The following NTAQ1 variants were observed in gnomAD, a reference collection of about 807,000 sequenced individuals.
NTAQ1 encodes N-terminal glutamine amidase 1.
In NTAQ1, 21 loss-of-function variants were observed where a neutral mutation model predicts 28.2. The observed-to-expected ratio is 0.74, with a 90% CI of 0.53 to 1.07. NTAQ1 has a LOEUF of 1.07. Ranked by LOEUF, NTAQ1 falls within the 50% of genes least tolerant of loss-of-function variation. The probability of loss-of-function intolerance (pLI) is 0.00; values close to 1 mark genes in which losing one functional copy is unlikely to be tolerated. For missense variants in NTAQ1, 264 were observed against 256.6 expected, an observed-to-expected ratio of 1.03 and a Z score of -0.20; for synonymous variants, 105 against 90.0, an observed-to-expected ratio of 1.17 and a Z score of -0.94.
At chr8:123,466,575 A>G (rs968553531) in intron 6 of NTAQ1, among the ~76,000 whole-genome samples, 8 of 152,234 alleles carry the variant, frequency 5.3e-5, no homozygotes, top group Non-Finnish European at 1.0e-4. Flanking sequence ...ATTACTTGAA[A>G]GTGACACAGC....
chr8:123,431,784 G>A lies in NTAQ1; in HGVS notation c.234+1751G>A, dbSNP rs190943686. 2.1e-3 allele frequency among the ~76,000 whole-genome samples: 317 copies of A among 152,308 alleles called. 3 individuals carry two copies. The highest frequency in any genetic ancestry group is 6.9e-3 in the African/African-American group (287 of 41,570). On this transcript the variant is annotated intron_variant, in intron 3 of 5. Coordinates refer to ENST00000287387, the MANE Select transcript of NTAQ1 (RefSeq NM_018024.3). ...AGTGGGGTCGTGAGGCTTAAATGAG[G>A]TAATGCACAGGAAGCATCTTCCTGG...
At chr8:123,467,948 A>C (rs112418839) in exon 7 of NTAQ1, among the ~76,000 whole-genome samples, 105 of 152,220 alleles carry the variant, frequency 6.9e-4, no homozygotes, top group African/African-American at 2.5e-3. Context: ...AGGGTTTGCC[A>C]TGTTGGTCAG....
downstream of NTAQ1, among the ~76,000 whole-genome samples, chr8:123,471,799 G>C (rs994415604): frequency 6.6e-6 from 1 of 152,194 alleles, no homozygotes; most frequent in African/African-American, 2.4e-5. Flanking sequence ...GGTTTACTCT[G>C]TCTACCAATA....
chr8:123,447,623 G>A (rs1431306488), intron 6 of NTAQ1, among the ~76,000 whole-genome samples: 6 of 152,036 alleles, frequency 3.9e-5, no homozygotes, highest in Non-Finnish European at 8.8e-5. Context: ...TCAAATTAAG[G>A]AAAAAAAGCA....
intron 6 of NTAQ1, among the ~76,000 whole-genome samples, chr8:123,459,686 G>C (rs1435820820): frequency 6.6e-6 from 1 of 152,080 alleles, no homozygotes; most frequent in Non-Finnish European, 1.5e-5. Context: ...ACCTGGGGCA[G>C]AGACCCAATA....
intron 1 of NTAQ1, among the ~76,000 whole-genome samples, chr8:123,423,310 CTCT>C (rs1161588593): frequency 1.3e-3 from 32 of 24,094 alleles, no homozygotes; most frequent in African/African-American, 2.6e-3. Context: ...GTTTTCTCTT[CTCT>C]TCTTTTTTCT....
At position 123,436,529 on chromosome 8, in the gene NTAQ1, T is replaced by G. The variant is rs1255305272; in HGVS notation, c.311T>G (p.Phe104Cys). 1.2e-6 allele frequency: 2 copies of G among 1,613,964 alleles called. No individual in the cohort carries two copies. The highest frequency in any genetic ancestry group is 2.7e-5 in the African/African-American group (2 of 74,932). ...FIYDLDTVLP[F>C]PCLFDTYVED... is the part of the protein sequence containing the mutation. Reference sequence around the variant, plus strand: ...TATGATCTCGATACTGTCTTGCCATTTCCCTGCCTCTTTGACACTTATGTA... The same window carrying G: ...TATGATCTCGATACTGTCTTGCCATGTCCCTGCCTCTTTGACACTTATGTA... The change falls in exon 4 of 6, where the codon TTT (phenylalanine) becomes TGT (cysteine). Residue 104 changes from phenylalanine to cysteine, a missense_variant. Physicochemically the swap from Phe to Cys is radical, Grantham distance 205. Transcript: ENST00000287387.
chr8:123,473,669 T>A (rs1302820897), downstream of NTAQ1, among the ~76,000 whole-genome samples: 1 of 152,204 alleles, frequency 6.6e-6, no homozygotes, highest in Admixed American at 6.5e-5. Flanking sequence ...ATGTAGCACA[T>A]ATATTCAACA....
chr8:123,418,761 G>A lies in NTAQ1; in HGVS notation c.83+1829G>A, dbSNP rs910742253. 6.6e-5 allele frequency among the ~76,000 whole-genome samples: 10 copies of A among 152,298 alleles called. No individual in the cohort carries two copies. The East Asian group carries it at 1.9e-3, about 29-fold the overall frequency. ...GGAGTATTGGAGTTAGAGCAGTCTT[G>A]TAGAAGAATGGTAAGAGATGACCAC... On this transcript the variant is annotated intron_variant, in intron 1 of 5. Coordinates refer to ENST00000287387, the MANE Select transcript of NTAQ1 (RefSeq NM_018024.3).
At chr8:123,437,704 A>G (rs777082568) in intron 5 of NTAQ1, among the ~76,000 whole-genome samples, 1,104 of 67,564 alleles carry the variant, frequency 0.016, 10 homozygotes, top group Non-Finnish European at 0.027. Flanking sequence ...CTCCATCTCA[A>G]AAAAAAAAAA....
chr8:123,431,018 TG>T (rs1814359402), intron 3 of NTAQ1, among the ~76,000 whole-genome samples: 1 of 152,096 alleles, frequency 6.6e-6, no homozygotes, highest in Admixed American at 6.6e-5. Context: ...CACATCTACA[TG>T]TCACCTTAAC....
rs79275144 is a variant in NTAQ1 at position 123,427,225 on chromosome 8, G to A, written c.84-699G>A. Among the ~76,000 whole-genome samples the A allele has an allele frequency of 2.1e-3, 312 of 147,928 alleles. 3 individuals carry two copies. The highest frequency in any genetic ancestry group is 7.4e-3 in the African/African-American group (301 of 40,542). On this transcript the variant is annotated intron_variant, in intron 1 of 5. Transcript: ENST00000287387. The stretch of plus-strand genomic sequence containing the variant: ...TTACACATGAGAAAAGCAGATTCTT[G>A]GAGAAGTCAAGATGGTCAAAGCTTT...
intron 6 of NTAQ1, among the ~76,000 whole-genome samples, chr8:123,461,135 C>A (rs973891994): frequency 6.6e-6 from 1 of 152,182 alleles, no homozygotes; most frequent in African/African-American, 2.4e-5. Flanking sequence ...TTAATACATT[C>A]TGGAGCAGCC....
In NTAQ1 at chr8:123,441,491, C is replaced by A; in HGVS notation, c.*76C>A. On this transcript the variant is annotated 3_prime_UTR_variant, in exon 6 of 6. Coordinates refer to ENST00000287387, the MANE Select transcript of NTAQ1 (RefSeq NM_018024.3). Reference sequence around the variant, plus strand: ...CTATCCTTTCATCGAGGACAGCAAACATTATGGTACAGTTGGCTTGGAATT... The same window carrying A: ...CTATCCTTTCATCGAGGACAGCAAAAATTATGGTACAGTTGGCTTGGAATT... 1 of 1,129,984 alleles carries A rather than the reference C, an allele frequency of 8.8e-7. No homozygotes were observed. Among genetic ancestry groups the A allele is most frequent in the Non-Finnish European group, 1.3e-6 (1 of 760,538 alleles). 70.0% of individuals were successfully genotyped at this position (1,129,984 alleles called of 1,614,324 possible).
At chr8:123,420,864 G>A (rs188918092) in intron 1 of NTAQ1, among the ~76,000 whole-genome samples, 66 of 140,602 alleles carry the variant, frequency 4.7e-4, no homozygotes, top group Non-Finnish European at 7.6e-4. Context: ...ATCTAGGCTC[G>A]CTGCAACCTC....
At chr8:123,448,852 G>A (rs1815379118), downstream of NTAQ1, among the ~76,000 whole-genome samples, 1 of 152,120 alleles carries the variant, frequency 6.6e-6, no homozygotes, top group African/African-American at 2.4e-5. Flanking sequence ...TTGTCCCGTG[G>A]GCTAGAGGTC....
At chr8:123,470,193 T>C (rs1279163022), downstream of NTAQ1, among the ~76,000 whole-genome samples, 2 of 152,150 alleles carry the variant, frequency 1.3e-5, no homozygotes, top group African/African-American at 2.4e-5. Flanking sequence ...ATTTTGAAAT[T>C]TCCAGGCTTC....
chr8:123,470,114 A>G (rs1816027113), downstream of NTAQ1, among the ~76,000 whole-genome samples: 1 of 152,238 alleles, frequency 6.6e-6, no homozygotes, highest in Non-Finnish European at 1.5e-5. Context: ...ATGAGGACAC[A>G]GTAAGAAGGC....
At chr8:123,423,417 C>CTTCCTTTCCCTCCTTTTCT (rs1813848905) in intron 1 of NTAQ1, among the ~76,000 whole-genome samples, 1 of 136,258 alleles carries the variant, frequency 7.3e-6, no homozygotes, top group African/African-American at 2.7e-5. Flanking sequence ...CCTCCTTTTC[C>CTTCCTTTCCCTCCTTTTCT]TTCTCTTCTG....
Sources: allele counts gnomAD v4.1 joint callset (sites outside exome capture counted in the v4.1 genomes callset), GRCh38; gene constraint gnomAD v4.1.1; transcripts MANE v1.5; gene names NCBI Gene and HGNC (gene_info 2026-07-23, HGNC 2026-07-21).